Variants in SAMD12 observed in about 807,000 individuals in gnomAD.
SAMD12 encodes the protein sterile alpha motif domain containing 12.
Under a neutral mutation model 15.0 loss-of-function variants are expected in SAMD12, and 9 were observed. That is an observed-to-expected ratio of 0.60 (90% CI 0.36 to 1.05). SAMD12 has a LOEUF of 1.05. Ranked by LOEUF, SAMD12 falls within the 50% of genes least tolerant of loss-of-function variation. The pLI, the probability that SAMD12 is intolerant of heterozygous loss-of-function variation, is 0.01. For synonymous variants in SAMD12, 86 were observed against 90.1 expected, an observed-to-expected ratio of 0.96 and a Z score of 0.25; for missense variants, 230 against 234.2, an observed-to-expected ratio of 0.98 and a Z score of 0.12.
In SAMD12 at chr8:118,552,188, T is replaced by C. The variant is rs1487781340; in HGVS notation, c.192+28527A>G. Among the ~76,000 whole-genome samples the C allele has an allele frequency of 3.3e-5, 5 of 152,248 alleles. No individual in the cohort carries two copies. The South Asian group carries it at 8.3e-4, about 25-fold the overall frequency. ...CCTAACTCATTTTATGAGGCCAGCA[T>C]CATCCTGATACCAAAGCCGGGCAGA... is the stretch of plus-strand genomic sequence containing the variant. On this transcript the variant is annotated intron_variant, in intron 2 of 3. Coordinates refer to ENST00000314727, the MANE Select transcript of SAMD12 (RefSeq NM_207506.3).
the SAMD12 span, among the ~76,000 whole-genome samples, chr8:118,159,283 C>T: frequency 6.6e-6 from 1 of 152,188 alleles, no homozygotes; most frequent in African/African-American, 2.4e-5. Flanking sequence ...GCTTGTGGTA[C>T]ACCTAGTCCA....
chr8:118,193,022 C>A (rs1445999691), exon 5 of SAMD12: 2 of 152,200 alleles, frequency 1.3e-5, no homozygotes, highest in Non-Finnish European at 2.9e-5. Flanking sequence ...TGCCGTTAGG[C>A]AGGAAGTATA....
chr8:118,441,631 T>A (rs1370199492), intron 2 of SAMD12, among the ~76,000 whole-genome samples: 1 of 152,172 alleles, frequency 6.6e-6, no homozygotes, highest in African/African-American at 2.4e-5. Context: ...TATATGTATG[T>A]TTTCATATAG....
chr8:118,405,013 ATCTTAAAACTG>A (rs1411867205), intron 3 of SAMD12, among the ~76,000 whole-genome samples: 1 of 152,120 alleles, frequency 6.6e-6, no homozygotes, highest in Non-Finnish European at 1.5e-5. Flanking sequence ...TCTTTCATTC[ATCTTAAAACTG>A]TCTTATTTAA....
chr8:118,619,478 C>CAAA (rs33947611), intron 1 of SAMD12, among the ~76,000 whole-genome samples: 10,200 of 111,924 alleles, frequency 0.091, 739 homozygotes, highest in African/African-American at 0.19. Context: ...GACTCTGTCT[C>CAAA]AAAAAAAAAA....
intron 2 of SAMD12, among the ~76,000 whole-genome samples, chr8:118,536,329 T>C (rs1181900320): frequency 6.6e-6 from 1 of 152,194 alleles, no homozygotes; most frequent in African/African-American, 2.4e-5. Flanking sequence ...ATTTTACAGA[T>C]ACTATTTACT....
chr8:118,218,755 A>T (rs2451126), intron 4 of SAMD12, among the ~76,000 whole-genome samples: 77,354 of 151,448 alleles, frequency 0.51, 21,424 homozygotes, highest in Non-Finnish European at 0.63. Context: ...ACATTTTTTT[A>T]AAATCAATTT....
intron 3 of SAMD12, among the ~76,000 whole-genome samples, chr8:118,408,727 T>C (rs1222109973): frequency 3.9e-5 from 6 of 152,258 alleles, no homozygotes; most frequent in Non-Finnish European, 5.9e-5. Flanking sequence ...CAAAAGGCCA[T>C]AGTGGCTCAA....
At chr8:118,213,389 C>T (rs1811883320) in intron 4 of SAMD12, among the ~76,000 whole-genome samples, 1 of 152,200 alleles carries the variant, frequency 6.6e-6, no homozygotes, top group South Asian at 2.1e-4. Flanking sequence ...CATGACGCAA[C>T]ATGGACAGGC....
intron 4 of SAMD12, among the ~76,000 whole-genome samples, chr8:118,349,723 T>A (rs1314776570): frequency 6.6e-6 from 1 of 152,198 alleles, no homozygotes; most frequent in East Asian, 1.9e-4. Context: ...ATGTCCAACC[T>A]TTGTCTCTTT....
intron 1 of SAMD12, among the ~76,000 whole-genome samples, chr8:118,600,101 T>C (rs1392490691): frequency 1.3e-5 from 2 of 152,112 alleles, no homozygotes; most frequent in African/African-American, 4.8e-5. Context: ...ATTGTAAGGG[T>C]CTTTAGATGT....
At chr8:118,310,312 G>A (rs1264139525) in intron 4 of SAMD12, among the ~76,000 whole-genome samples, 4 of 152,110 alleles carry the variant, frequency 2.6e-5, no homozygotes, top group African/African-American at 9.7e-5. Flanking sequence ...AGTATGTGGT[G>A]TTCAGTATCT....
intron 4 of SAMD12, among the ~76,000 whole-genome samples, chr8:118,299,151 G>A (rs894194801): frequency 2.6e-5 from 4 of 152,104 alleles, no homozygotes; most frequent in South Asian, 2.1e-4. Flanking sequence ...TTTGACTAGC[G>A]ACTCCTTTAA....
At chr8:118,560,905 A>C (rs1826682685) in intron 2 of SAMD12, among the ~76,000 whole-genome samples, 1 of 152,194 alleles carries the variant, frequency 6.6e-6, no homozygotes, top group Non-Finnish European at 1.5e-5. Context: ...TAATGAGCAA[A>C]CAGTCAAAAT....
chr8:118,414,420 C>A (rs1821582440), intron 3 of SAMD12, among the ~76,000 whole-genome samples: 1 of 152,046 alleles, frequency 6.6e-6, no homozygotes, highest in Non-Finnish European at 1.5e-5. Context: ...AGGAAATAAT[C>A]TTTTAACATC....
chr8:118,559,320 G>A (rs528434329), intron 2 of SAMD12, among the ~76,000 whole-genome samples: 1 of 152,282 alleles, frequency 6.6e-6, no homozygotes, highest in African/African-American at 2.4e-5. Context: ...ACAGTCCTCT[G>A]AGAGTTCCTA....
At chr8:118,416,614 A>G (rs1821703767) in intron 3 of SAMD12, among the ~76,000 whole-genome samples, 1 of 152,160 alleles carries the variant, frequency 6.6e-6, no homozygotes, top group African/African-American at 2.4e-5. Flanking sequence ...ATGGTACACA[A>G]TTTCATTCAT....
chr8:118,229,234 A>C (rs1293536940), intron 4 of SAMD12, among the ~76,000 whole-genome samples: 3 of 152,180 alleles, frequency 2.0e-5, no homozygotes, highest in African/African-American at 7.2e-5. Flanking sequence ...ACCACCAAAT[A>C]ACTTACTCAT....
At chr8:118,150,976 G>A in the SAMD12 span, among the ~76,000 whole-genome samples, 1 of 152,098 alleles carries the variant, frequency 6.6e-6, no homozygotes, top group African/African-American at 2.4e-5. Flanking sequence ...GAGAGGAGGT[G>A]GGGGGATCAC....
Sources: gnomAD v4.1 joint callset for allele counts (sites outside exome capture counted in the v4.1 genomes callset) on GRCh38, gnomAD v4.1.1 for gene constraint, MANE v1.5 for transcripts, NCBI Gene and HGNC (gene_info 2026-07-23, HGNC 2026-07-21) for gene names.